The following SNX25 variants were observed in gnomAD, a reference collection of about 807,000 sequenced individuals.
The protein encoded by SNX25 is sorting nexin 25.
Under a neutral mutation model 113.7 loss-of-function variants are expected in SNX25, and 62 were observed. The ratio of observed to expected loss-of-function variants is 0.55; its 90% CI spans 0.44 to 0.67. The LOEUF (loss-of-function observed/expected upper bound fraction) is 0.67, where lower values mean the gene tolerates loss of function less well. SNX25 is among the 30% of genes least tolerant of loss of function. The pLI, the probability that SNX25 is intolerant of heterozygous loss-of-function variation, is 0.00. For synonymous variants in SNX25, 421 were observed against 436.2 expected, an observed-to-expected ratio of 0.97 and a Z score of 0.43; for missense variants, 1,014 against 1,161.0, an observed-to-expected ratio of 0.87 and a Z score of 1.84.
At chr4:185,293,519 A>G (rs1019704139) in intron 6 of SNX25, among the ~76,000 whole-genome samples, 1 of 152,256 alleles carries the variant, frequency 6.6e-6, no homozygotes, top group African/African-American at 2.4e-5. Flanking sequence ...GCATGATTTC[A>G]TTTATATGAA....
intron 1 of SNX25, among the ~76,000 whole-genome samples, chr4:185,224,281 G>A (rs573447115): frequency 6.6e-6 from 1 of 150,908 alleles, no homozygotes; most frequent in South Asian, 2.1e-4. Flanking sequence ...AACCCAGGAA[G>A]CAGAGGTTGT....
chr4:185,214,012 G>C (rs560543577), intron 1 of SNX25, among the ~76,000 whole-genome samples: 5 of 150,830 alleles, frequency 3.3e-5, no homozygotes, highest in Admixed American at 2.0e-4. Context: ...TGATGTAACC[G>C]AGTACCCCTA....
At chr4:185,239,371 T>C (rs555910988) in intron 1 of SNX25, among the ~76,000 whole-genome samples, 4 of 152,048 alleles carry the variant, frequency 2.6e-5, no homozygotes, top group South Asian at 2.1e-4. Flanking sequence ...TAGTCCCAGC[T>C]ACTCGGGAGG....
intron 7 of SNX25, among the ~76,000 whole-genome samples, chr4:185,315,992 A>G (rs1179299820): frequency 1.3e-5 from 2 of 152,238 alleles, no homozygotes; most frequent in South Asian, 2.1e-4. Context: ...AAAGTGTACA[A>G]TATGATAAGT....
At position 185,253,661 on chromosome 4, in the gene SNX25, G is replaced by C. The variant is rs189412128; in HGVS notation, c.515-5187G>C. 7.2e-3 allele frequency among the ~76,000 whole-genome samples: 1,102 copies of C among 152,180 alleles called. 7 individuals are homozygous for C. Among genetic ancestry groups the C allele is most frequent in the Non-Finnish European group, 0.013 (887 of 67,998 alleles). On this transcript the variant is annotated intron_variant, in intron 2 of 18. Transcript: ENST00000652585. Reference sequence around the variant, plus strand: ...TTTTTGTATTTTTAGTAGAGATGGGGTTTCACCATGTTGGCCAGGCTTTTC... The same window carrying C: ...TTTTTGTATTTTTAGTAGAGATGGGCTTTCACCATGTTGGCCAGGCTTTTC...
At chr4:185,308,595 GA>G in intron 6 of SNX25, among the ~76,000 whole-genome samples, 1 of 152,182 alleles carries the variant, frequency 6.6e-6, no homozygotes, top group East Asian at 1.9e-4. Flanking sequence ...TACCATTTGA[GA>G]GTTCATTGAT....
At chr4:185,261,859 G>T (rs1029349536) in intron 3 of SNX25, among the ~76,000 whole-genome samples, 1 of 152,164 alleles carries the variant, frequency 6.6e-6, no homozygotes, top group African/African-American at 2.4e-5. Context: ...CCTGGATTAT[G>T]GATATTTGAA....
chr4:185,238,119 C>A (rs1742949739), intron 1 of SNX25, among the ~76,000 whole-genome samples: 1 of 151,472 alleles, frequency 6.6e-6, no homozygotes, highest in Admixed American at 6.6e-5. Flanking sequence ...AGTTGCAATC[C>A]CCTTCACACA....
At chr4:185,240,012 T>C (rs1579424212) in intron 1 of SNX25, among the ~76,000 whole-genome samples, 1 of 150,978 alleles carries the variant, frequency 6.6e-6, no homozygotes, top group East Asian at 1.9e-4. Context: ...ACAAAGCACA[T>C]CTTGCACCAC....
In SNX25 at chr4:185,363,595, G is replaced by T; in HGVS notation, c.*130G>T. On this transcript the variant is annotated 3_prime_UTR_variant, in exon 19 of 19. Transcript: ENST00000652585. This position sits in a 1 kb window ranked among gnomAD's most constrained non-coding sequence, Gnocchi z 4.2. ...TTTAGTTACCTCCCTCTAGTTTTATGTGAAATTAGTAGAATCAGGGAGGAC... is the reference window on the plus strand; with the variant it reads ...TTTAGTTACCTCCCTCTAGTTTTATTTGAAATTAGTAGAATCAGGGAGGAC... 2 of 792,862 alleles carry T rather than the reference G, an allele frequency of 2.5e-6. No homozygotes were observed. The highest frequency in any genetic ancestry group is 4.0e-6 in the Non-Finnish European group (2 of 499,118). 49.1% of individuals were successfully genotyped at this position (792,862 alleles called of 1,614,324 possible).
At chr4:185,273,527 TTG>T (rs1452543625) in intron 5 of SNX25, among the ~76,000 whole-genome samples, 2 of 152,186 alleles carry the variant, frequency 1.3e-5, no homozygotes, top group African/African-American at 4.8e-5. Flanking sequence ...TTACCATTTT[TTG>T]TGTGTGGTGA....
chr4:185,351,626 G>A lies in SNX25; in HGVS notation c.2466+17G>A, dbSNP rs916686206. ...CACCAGGAGGTGAGCCGTTGAAAGA[G>A]TGAACCACTTTTGTAGTGTATTTCA... On this transcript the variant is annotated intron_variant, in intron 14 of 18. Transcript: ENST00000652585. 2 of 1,611,620 alleles carry A rather than the reference G, an allele frequency of 1.2e-6. No individual in the cohort carries two copies. The highest frequency in any genetic ancestry group is 1.7e-6 in the Non-Finnish European group (2 of 1,178,934).
At chr4:185,376,793 G>A in the SNX25 span, 1 of 684,112 alleles carries the variant, frequency 1.5e-6, no homozygotes, top group South Asian at 1.8e-5. Context: ...CATAGTCGAT[G>A]TAATTGGACA....
At position 185,332,773 on chromosome 4, in the gene SNX25, T is replaced by C; in HGVS notation, c.1914+14T>C. ...CCTGACAAGAAGGTAACTCTTTGCT[T>C]TCAAGGTTGTCTTTGAAAGTTAACA... On this transcript the variant is annotated intron_variant, in intron 10 of 18. Transcript: ENST00000652585. The C allele has an allele frequency of 1.2e-6, 2 of 1,609,290 alleles. No homozygotes were observed. The highest frequency in any genetic ancestry group is 1.7e-6 in the Non-Finnish European group (2 of 1,177,802).
upstream of SNX25, among the ~76,000 whole-genome samples, chr4:185,205,964 C>G (rs1445644253): frequency 6.6e-6 from 1 of 152,112 alleles, no homozygotes. Flanking sequence ...AAATGCAAGT[C>G]AAAAACACAA....
chr4:185,239,221 C>T (rs1196944549), intron 1 of SNX25, among the ~76,000 whole-genome samples: 1 of 151,608 alleles, frequency 6.6e-6, no homozygotes, highest in East Asian at 1.9e-4. Flanking sequence ...GTGGCTCACA[C>T]CTGTAATCCC....
chr4:185,223,745 A>C (rs1478116330), intron 1 of SNX25, among the ~76,000 whole-genome samples: 1 of 151,244 alleles, frequency 6.6e-6, no homozygotes, highest in Non-Finnish European at 1.5e-5. Context: ...CGTGCCGAAA[A>C]AAAAAAAAAA....
chr4:185,377,138 C>A, the SNX25 span: 1 of 741,578 alleles, frequency 1.3e-6, no homozygotes, highest in Non-Finnish European at 2.3e-6. Flanking sequence ...AGTGCTCATT[C>A]CTACAACTGG....
chr4:185,263,734 C>G (rs1414354228), intron 3 of SNX25, among the ~76,000 whole-genome samples: 2 of 152,176 alleles, frequency 1.3e-5, no homozygotes, highest in Non-Finnish European at 2.9e-5. Context: ...TACTTTGCCT[C>G]CTCATCTAGA....
Sources: allele counts gnomAD v4.1 joint callset (sites outside exome capture counted in the v4.1 genomes callset), GRCh38; gene constraint gnomAD v4.1.1; non-coding constraint Gnocchi (gnomAD v3.1); transcripts MANE v1.5; gene names NCBI Gene and HGNC (gene_info 2026-07-23, HGNC 2026-07-21).